HMCN2: variants seen among roughly 807,000 people sequenced by gnomAD.
HMCN2 encodes hemicentin-2.
A neutral mutation model predicts 377.5 loss-of-function variants in HMCN2; 325 were observed. The observed-to-expected ratio is 0.86, with a 90% CI of 0.79 to 0.94. The LOEUF is 0.94. Among genes scored for constraint, HMCN2 ranks in the 40% least tolerant of loss-of-function variants. The pLI is 0.00. For synonymous variants in HMCN2, 2,007 were observed against 2,046.8 expected, an observed-to-expected ratio of 0.98 and a Z score of 0.53; for missense variants, 4,543 against 4,725.3, an observed-to-expected ratio of 0.96 and a Z score of 1.13.
At position 130,372,296 on chromosome 9, in the gene HMCN2, G is replaced by A. The variant is rs1681948179; in HGVS notation, c.7240G>A (p.Gly2414Ser). 1 of 984,844 alleles carries A rather than the reference G, an allele frequency of 1.0e-6. No individual in the cohort carries two copies. The highest frequency in any genetic ancestry group is 1.7e-5 in the African/African-American group (1 of 57,228). The allele number at this position is 984,844 out of a possible 1,614,324, so 61.0% of individuals were successfully genotyped here. The change falls in exon 47 of 98, where the codon GGC (glycine) becomes AGC (serine). Residue 2414 changes from glycine to serine, a missense_variant and splice_region_variant. Coordinates refer to ENST00000683500, the MANE Select transcript of HMCN2 (RefSeq NM_001291815.2). Reference sequence around the variant, plus strand: ...GGCCCACGCCCCTCCCTCCCCAGGTGGCTGGATGCTGAAGATGACTCAGAC... The same window carrying A: ...GGCCCACGCCCCTCCCTCCCCAGGTAGCTGGATGCTGAAGATGACTCAGAC... Reference protein sequence around the residue: ...PGEDTYLLAGGWMLKMTQTQE... With the variant: ...PGEDTYLLAGSWMLKMTQTQE...
intron 77 of HMCN2, among the ~76,000 whole-genome samples, chr9:130,402,232 C>G (rs1842884742): frequency 6.6e-6 from 1 of 152,246 alleles, no homozygotes; most frequent in Non-Finnish European, 1.5e-5. Flanking sequence ...CTTCCTTCCC[C>G]CACCCAGCAG....
chr9:130,390,104 A>T (rs1842228433), intron 62 of HMCN2, among the ~76,000 whole-genome samples: 1 of 151,496 alleles, frequency 6.6e-6, no homozygotes, highest in Admixed American at 6.6e-5. Flanking sequence ...TGCAGGCCCC[A>T]CCTCCCTTTG....
intron 87 of HMCN2, among the ~76,000 whole-genome samples, chr9:130,424,069 C>T (rs1367889423): frequency 5.2e-4 from 79 of 151,876 alleles, no homozygotes; most frequent in Non-Finnish European, 2.2e-4. Flanking sequence ...CAGCCTCAAC[C>T]TCCCAGGCTC....
At chr9:130,432,941 C>A (rs1157962884) in intron 97 of HMCN2, 2 of 349,612 alleles carry the variant, frequency 5.7e-6, no homozygotes, top group Non-Finnish European at 5.2e-6. Context: ...CCAGGCCTTA[C>A]AACTAGAAAC....
chr9:130,364,572 T>C lies in HMCN2; in HGVS notation c.6233-142T>C, dbSNP rs531748124. 56 of 200,504 alleles carry C rather than the reference T, an allele frequency of 2.8e-4. 1 individual carries two copies. The highest frequency in any genetic ancestry group is 1.0e-3 in the African/African-American group (44 of 42,456). 12.4% of individuals were successfully genotyped at this position (200,504 alleles called of 1,614,324 possible). A position where few individuals can be genotyped will look rare whatever the true frequency, so the allele number is the denominator to read the frequency against. ...TCGTGACAATTTTACTCAGACTGGCTCCTCCGAAGCAGGACTGAAGGCAGA... is the reference window on the plus strand; with the variant it reads ...TCGTGACAATTTTACTCAGACTGGCCCCTCCGAAGCAGGACTGAAGGCAGA... On this transcript the variant is annotated intron_variant, in intron 40 of 97. Coordinates refer to ENST00000683500, the MANE Select transcript of HMCN2 (RefSeq NM_001291815.2).
intron 15 of HMCN2, among the ~76,000 whole-genome samples, chr9:130,315,201 CCCTCCCCTCCCCT>C (rs1837479503): frequency 8.5e-3 from 18 of 2,126 alleles, no homozygotes; most frequent in African/African-American, 0.031. Flanking sequence ...TCCCTCCCCT[CCCTCCCCTCCCCT>C]CCCTCCCCTC....
intron 80 of HMCN2, among the ~76,000 whole-genome samples, chr9:130,404,248 A>G (rs769215092): frequency 6.6e-6 from 1 of 152,186 alleles, no homozygotes; most frequent in Non-Finnish European, 1.5e-5. Context: ...TGCTGGGAAT[A>G]TTCAGTATGG....
rs1426556499 is a variant in HMCN2 at position 130,310,067 on chromosome 9, T to C, written c.2350+6T>C. ...AATCCAGCTGGCGGTTGGACGTGAG[T>C]GTATACCTTGTCTCCCCCTCCCCTG... On this transcript the variant is annotated splice_donor_region_variant and intron_variant, in intron 15 of 97. Coordinates refer to ENST00000683500, the MANE Select transcript of HMCN2 (RefSeq NM_001291815.2). The C allele has an allele frequency of 3.8e-6, 2 of 523,794 alleles. No individual in the cohort carries two copies. Among genetic ancestry groups the C allele is most frequent in the South Asian group, 1.4e-5 (1 of 70,380 alleles). The allele number at this position is 523,794 out of a possible 1,614,324, so 32.4% of individuals were successfully genotyped here. A position where few individuals can be genotyped will look rare whatever the true frequency, so the allele number is the denominator to read the frequency against.
intron 86 of HMCN2, among the ~76,000 whole-genome samples, chr9:130,421,732 A>G (rs893002097): frequency 6.6e-6 from 1 of 152,218 alleles, no homozygotes; most frequent in Non-Finnish European, 1.5e-5. Flanking sequence ...GATGGGCTTC[A>G]AATCTCATCA....
rs11793757 is a variant in HMCN2 at position 130,382,167 on chromosome 9, G to A, written c.8432-17G>A. 114,586 of 981,092 alleles carry A rather than the reference G, an allele frequency of 0.12. 6,945 individuals are homozygous for A. The highest frequency in any genetic ancestry group is 0.15 in the African/African-American group (8,844 of 57,212). The allele number at this position is 981,092 out of a possible 1,614,324, so 60.8% of individuals were successfully genotyped here. On this transcript the variant is annotated splice_polypyrimidine_tract_variant and intron_variant, in intron 54 of 97. Coordinates refer to ENST00000683500, the MANE Select transcript of HMCN2 (RefSeq NM_001291815.2). ...CTCTCGTGCCTGAGCCCAGGCCTCT[G>A]TCCCGTGTCCCTGCAGGAGGCCGGG... is the stretch of plus-strand genomic sequence containing the variant.
intron 4 of HMCN2, among the ~76,000 whole-genome samples, chr9:130,291,660 C>T (rs918748210): frequency 1.3e-5 from 2 of 152,194 alleles, no homozygotes; most frequent in African/African-American, 2.4e-5. Context: ...TCTCTTTATA[C>T]TTTTTGCTGA....
rs1379757195 is a variant in HMCN2 at position 130,427,563 on chromosome 9, T to G, written c.14009T>G (p.Phe4670Cys). 1.3e-6 allele frequency: 2 copies of G among 1,550,366 alleles called. No homozygotes were observed. The highest frequency in any genetic ancestry group is 4.9e-5 in the East Asian group (2 of 40,900). Reference sequence around the variant, plus strand: ...GCCTGCCTTAATGCACCCGGCCGCTTCTCCTGCACCTGCCCCACTGGCTTC... The same window carrying G: ...GCCTGCCTTAATGCACCCGGCCGCTGCTCCTGCACCTGCCCCACTGGCTTC... ...SHACLNAPGR[F>C]SCTCPTGFAL... is the part of the protein sequence containing the mutation. Residue 4670 changes from phenylalanine to cysteine, a missense_variant, in exon 92 of 98, where the codon TTC (phenylalanine) becomes TGC (cysteine). Physicochemically the swap from Phe to Cys is radical, Grantham distance 205 (BLOSUM62 -2). Transcript: ENST00000683500.
chr9:130,403,880 G>C lies in HMCN2; in HGVS notation c.12148+5G>C. 1 of 1,288,878 alleles carries C rather than the reference G, an allele frequency of 7.8e-7. No homozygotes were observed. The highest frequency in any genetic ancestry group is 1.0e-6 in the Non-Finnish European group (1 of 988,156). The allele number at this position is 1,288,878 out of a possible 1,614,324, so 79.8% of individuals were successfully genotyped here. A position where few individuals can be genotyped will look rare whatever the true frequency, so the allele number is the denominator to read the frequency against. Reference sequence around the variant, plus strand: ...AGACGCGGCTGGTGGTGCAAGGTGGGAGTGAGGACGGGGCCGAGGTGGGCC... The same window carrying C: ...AGACGCGGCTGGTGGTGCAAGGTGGCAGTGAGGACGGGGCCGAGGTGGGCC... On this transcript the variant is annotated splice_donor_5th_base_variant and intron_variant, in intron 80 of 97. Coordinates refer to ENST00000683500, the MANE Select transcript of HMCN2 (RefSeq NM_001291815.2).
At position 130,265,939 on chromosome 9, in the gene HMCN2, G is replaced by C; in HGVS notation, c.61G>C (p.Ala21Pro). 1 of 441,592 alleles carries C rather than the reference G, an allele frequency of 2.3e-6. No homozygotes were observed. Among genetic ancestry groups the C allele is most frequent in the South Asian group, 1.6e-5 (1 of 61,118 alleles). 27.4% of individuals were successfully genotyped at this position (441,592 alleles called of 1,614,324 possible). ...LTAVSAAVAV[A>P]VAGAPGTVMP... ...CGCGGTCTCTGCGGCAGTGGCAGTG[G>C]CAGTGGCCGGGGCGCCCGGGACGGT... Residue 21 changes from alanine to proline, a missense_variant, in exon 1 of 98, where the codon GCA becomes CCA. Physicochemically the swap from Ala to Pro is conservative, Grantham distance 27 (BLOSUM62 -1). Coordinates refer to ENST00000683500, the MANE Select transcript of HMCN2 (RefSeq NM_001291815.2).
chr9:130,426,784 C>T (rs535908314), intron 90 of HMCN2, among the ~76,000 whole-genome samples: 1 of 146,262 alleles, frequency 6.8e-6, no homozygotes, highest in African/African-American at 2.5e-5. Flanking sequence ...TTTAGCTCAT[C>T]AGCTATCCTT....
chr9:130,409,278 G>T (rs1033062704), intron 84 of HMCN2, among the ~76,000 whole-genome samples: 2 of 152,210 alleles, frequency 1.3e-5, no homozygotes, highest in Non-Finnish European at 2.9e-5. Context: ...AGGGTAGGCA[G>T]GTAATAGTGC....
chr9:130,403,419 C>T (rs571089317), intron 79 of HMCN2, 91 bp downstream of exon 79: 11 of 1,235,514 alleles, frequency 8.9e-6, no homozygotes, highest in East Asian at 5.7e-5. Flanking sequence ...TGGGAGACCC[C>T]GCAGACCTGC....
Position 130,360,486 on chromosome 9 carries a change from AG to A in HMCN2, c.5833del (p.Val1945TrpfsTer62). On this transcript the variant is annotated frameshift_variant, in exon 38 of 98. Coordinates refer to ENST00000683500, the MANE Select transcript of HMCN2 (RefSeq NM_001291815.2). LOFTEE classifies it high-confidence loss of function. This position sits in a 1 kb window ranked among gnomAD's most constrained non-coding sequence, Gnocchi z 4.7. The stretch of plus-strand genomic sequence containing the variant: ...CTTCATGGATGGGAGTGACAGTATC[AG>A]TGGATGGGAGAGTTCTCCGCATTGA... ...VSSWMGVTVS[V>X]DGRVLRIEQA... The A allele has an allele frequency of 3.1e-6, 4 of 1,303,986 alleles. No homozygotes were observed. The highest frequency in any genetic ancestry group is 4.0e-6 in the Non-Finnish European group (4 of 988,884). The allele number at this position is 1,303,986 out of a possible 1,614,324, so 80.8% of individuals were successfully genotyped here. A position where few individuals can be genotyped will look rare whatever the true frequency, so the allele number is the denominator to read the frequency against.
Position 130,391,197 on chromosome 9 carries a change from G to C in HMCN2, c.9668-7G>C. 1.0e-6 allele frequency: 1 copy of C among 987,966 alleles called. No individual in the cohort carries two copies. The highest frequency in any genetic ancestry group is 1.2e-6 in the Non-Finnish European group (1 of 830,280). The allele number at this position is 987,966 out of a possible 1,614,324, so 61.2% of individuals were successfully genotyped here. A position where few individuals can be genotyped will look rare whatever the true frequency, so the allele number is the denominator to read the frequency against. Reference sequence around the variant, plus strand: ...TCACCCAGGGCCTCACTGCACCCCTGCCTCAGTGGCCCCCCGGATCCGGAG... The same window carrying C: ...TCACCCAGGGCCTCACTGCACCCCTCCCTCAGTGGCCCCCCGGATCCGGAG... On this transcript the variant is annotated splice_region_variant and splice_polypyrimidine_tract_variant and intron_variant, in intron 63 of 97. Transcript: ENST00000683500.
Sources: allele counts gnomAD v4.1 joint callset (sites outside exome capture counted in the v4.1 genomes callset), GRCh38; gene constraint gnomAD v4.1.1; non-coding constraint Gnocchi (gnomAD v3.1); transcripts MANE v1.5; gene names NCBI Gene and HGNC (gene_info 2026-07-23, HGNC 2026-07-21).